CHD4: variants seen among roughly 807,000 people sequenced by gnomAD.
The protein encoded by CHD4 is ATP-dependent chromatin remodeler CHD4.
A neutral mutation model predicts 235.5 loss-of-function variants in CHD4; 35 were observed. The ratio of observed to expected loss-of-function variants is 0.15; its 90% CI spans 0.11 to 0.20. The LOEUF (loss-of-function observed/expected upper bound fraction) is 0.20. Ranked by LOEUF, CHD4 falls within the 10% of genes least tolerant of loss-of-function variation. The pLI is 1.00. For missense variants in CHD4, 1,329 were observed against 2,432.3 expected (o/e 0.55, Z 9.54); for synonymous variants, 900 against 850.2 (o/e 1.06, Z -1.02).
chr12:6,588,731 T>C (rs1168769546), intron 22 of CHD4, among the ~76,000 whole-genome samples: 1 of 151,192 alleles, frequency 6.6e-6, no homozygotes, highest in Non-Finnish European at 1.5e-5. Flanking sequence ...TGAGCAGAGA[T>C]TGCACCACTG....
Position 6,570,357 on chromosome 12 carries a change from A to G in CHD4, c.*319T>C. The G allele has an allele frequency of 2.6e-6, 1 of 377,706 alleles. No individual in the cohort carries two copies. 23.4% of individuals were successfully genotyped at this position (377,706 alleles called of 1,614,324 possible). ...CCAAAAGGAGGAAAAAATTCAGATC[A>G]TTTTCTTCAAGCCTGGCAGGAACCC... On this transcript the variant is annotated 3_prime_UTR_variant, in exon 40 of 40. Coordinates refer to ENST00000544040, the MANE Select transcript of CHD4 (RefSeq NM_001273.5).
At chr12:6,595,900 G>GGAAGT in intron 13 of CHD4, 106 bp downstream of exon 13, 1 of 1,283,610 alleles carries the variant, frequency 7.8e-7, no homozygotes, top group South Asian at 1.6e-5. Flanking sequence ...GGAGGTTGCA[G>GGAAGT]TGAGTCAAGA....
chr12:6,582,370 A>G (rs978681027), intron 29 of CHD4, 89 bp from the exon 30 acceptor site: 9 of 1,448,934 alleles, frequency 6.2e-6, no homozygotes, highest in South Asian at 4.2e-5. Flanking sequence ...TATCACAGGC[A>G]ATAACTATGG....
Position 6,601,321 on chromosome 12 carries a change from G to A in CHD4, c.767C>T (p.Pro256Leu). The A allele has an allele frequency of 1.2e-6, 2 of 1,614,124 alleles. No individual in the cohort carries two copies. The highest frequency in any genetic ancestry group is 1.1e-5 in the South Asian group (1 of 91,082). The change falls in exon 6 of 40, where the codon CCT (proline) becomes CTT (leucine). Residue 256 changes from proline (P) to leucine (L), a missense_variant. By Grantham distance (98) the Pro-to-Leu change is moderately conservative (BLOSUM62 -3). Transcript: ENST00000544040. ...CTCCTTGGTCTTGGCCTTGCGGATAGGCACCTCCACAGGGGGAGGTGGTGG... is the reference window on the plus strand; with the variant it reads ...CTCCTTGGTCTTGGCCTTGCGGATAAGCACCTCCACAGGGGGAGGTGGTGG... ...VAPPPPPVEVPIRKAKTKEGK... is the reference protein window; with the variant it reads ...VAPPPPPVEVLIRKAKTKEGK...
chr12:6,588,043 C>A, intron 23 of CHD4, 94 bp from the exon 24 acceptor site: 1 of 1,328,028 alleles, frequency 7.5e-7, no homozygotes, highest in Non-Finnish European at 1.1e-6. Context: ...CAGTACAAGG[C>A]AAGGTCCACA....
intron 37 of CHD4, chr12:6,573,524 T>C: frequency 3.6e-6 from 1 of 276,560 alleles, no homozygotes; most frequent in African/African-American, 2.2e-5. Context: ...AAACTCAATT[T>C]AGAAAATAGA....
rs1402444433 is a variant in CHD4, at chr12:6,602,097, G to C, written c.301C>G (p.Leu101Val). ...EFVEEEEEVA[L>V]RSDSEGSDYT... is the part of the protein sequence containing the mutation. ...TCGCTGCCCTCACTGTCTGAGCGCAGAGCCACCTCTTCCTCCTCCTCCACA... is the reference window on the plus strand; with the variant it reads ...TCGCTGCCCTCACTGTCTGAGCGCACAGCCACCTCTTCCTCCTCCTCCACA... Residue 101 changes from leucine to valine, a missense_variant, in exon 4 of 40, where the codon CTG becomes GTG. By Grantham distance (32) the Leu-to-Val change is conservative (BLOSUM62 1). Transcript: ENST00000544040. 1 of 1,613,612 alleles carries C rather than the reference G, an allele frequency of 6.2e-7. No individual in the cohort carries two copies. The highest frequency in any genetic ancestry group is 2.2e-5 in the East Asian group (1 of 44,858).
chr12:6,577,589 A>C (rs1363690495), intron 37 of CHD4, 196 bp downstream of exon 37: 1 of 657,532 alleles, frequency 1.5e-6, no homozygotes, highest in African/African-American at 1.8e-5. Flanking sequence ...ATAGTCACCT[A>C]CAGCTCATGT....
chr12:6,592,197 C>A, intron 19 of CHD4, 140 bp from the exon 20 acceptor site: 1 of 1,253,220 alleles, frequency 8.0e-7, no homozygotes, highest in South Asian at 1.4e-5. Flanking sequence ...ACTACCACCA[C>A]CACCATTTTA....
chr12:6,580,055 CAAA>C (rs766330469), intron 33 of CHD4, among the ~76,000 whole-genome samples: 4 of 69,018 alleles, frequency 5.8e-5, no homozygotes, highest in Admixed American at 1.7e-4. Context: ...GACTCCGTCT[CAAA>C]AAAAAAAAAA....
chr12:6,570,427 G>T lies in CHD4; in HGVS notation c.*249C>A, dbSNP rs1592254263. 2 of 542,396 alleles carry T rather than the reference G, an allele frequency of 3.7e-6. No individual in the cohort carries two copies. The highest frequency in any genetic ancestry group is 6.0e-5 in the East Asian group (2 of 33,424). The allele number at this position is 542,396 out of a possible 1,614,324, so 33.6% of individuals were successfully genotyped here. A position where few individuals can be genotyped will look rare whatever the true frequency, so the allele number is the denominator to read the frequency against. ...AGGCGTTACAGTGGGGAGAAGCCAG[G>T]GTCCAGAAGGCCAGCCCGCCAGCTC... is the stretch of plus-strand genomic sequence containing the variant. On this transcript the variant is annotated 3_prime_UTR_variant, in exon 40 of 40. Coordinates refer to ENST00000544040, the MANE Select transcript of CHD4 (RefSeq NM_001273.5).
At chr12:6,590,580 A>G (rs1490478651) in intron 22 of CHD4, among the ~76,000 whole-genome samples, 1 of 152,112 alleles carries the variant, frequency 6.6e-6, no homozygotes, top group African/African-American at 2.4e-5. Context: ...ATACTTTGGG[A>G]GGCCAAGGCA....
At position 6,578,849 on chromosome 12, in the gene CHD4, T is replaced by C. The variant is rs1207769809; in HGVS notation, c.4978A>G (p.Lys1660Glu). Residue 1660 changes from lysine (K) to glutamate (E), a missense_variant, in exon 34 of 40, where the codon AAA becomes GAA. Lys to Glu is a moderately conservative substitution (Grantham distance 56). This residue lies in a region of CHD4 where 219 missense variants were observed against 219.3 expected (regional missense o/e 1.00). Coordinates refer to ENST00000544040, the MANE Select transcript of CHD4 (RefSeq NM_001273.5). ...ATCAACTTCTCCAAACACCCACCTT[T>C]GTCTTCTACCACAATAGGGGTCAGA... ...IDLTPIVVEDKEEKKEEEEKK... is the reference protein window; with the variant it reads ...IDLTPIVVEDEEEKKEEEEKK... 6.2e-7 allele frequency: 1 copy of C among 1,614,050 alleles called. No homozygotes were observed. Among genetic ancestry groups the C allele is most frequent in the African/African-American group, 1.3e-5 (1 of 74,940 alleles).
At chr12:6,592,652 G>C in intron 18 of CHD4, 44 bp downstream of exon 18, 1 of 1,594,434 alleles carries the variant, frequency 6.3e-7, no homozygotes, top group Middle Eastern at 1.7e-4. Flanking sequence ...CAGGAAGAAT[G>C]AGAGGCACAA....
chr12:6,576,116 T>C (rs1264168009), intron 37 of CHD4, among the ~76,000 whole-genome samples: 2 of 151,960 alleles, frequency 1.3e-5, no homozygotes, highest in Non-Finnish European at 2.9e-5. Flanking sequence ...CTCAGCACTT[T>C]GGGAGTCCGA....
rs1948611902 is a variant in CHD4, at chr12:6,602,360, TCA to T, written c.222+14_222+15del. 1 of 1,612,384 alleles carries T rather than the reference TCA, an allele frequency of 6.2e-7. No homozygotes were observed. The highest frequency in any genetic ancestry group is 1.7e-5 in the Admixed American group (1 of 59,488). ...TTCTTCCTCTGATTCCCCGTAACAT[TCA>T]GTCACCCACTCACCTCCTTTTTTTG... On this transcript the variant is annotated intron_variant, in intron 3 of 39. Coordinates refer to ENST00000544040, the MANE Select transcript of CHD4 (RefSeq NM_001273.5).
intron 22 of CHD4, chr12:6,591,143 A>C (rs10849491): frequency 0.058 from 10,163 of 175,334 alleles, 984 homozygotes; most frequent in African/African-American, 0.21. Context: ...AAAAAAAAAA[A>C]AAAAAAAACC....
At chr12:6,600,836 T>C in intron 7 of CHD4, 90 bp downstream of exon 7, 4 of 1,515,294 alleles carry the variant, frequency 2.6e-6, no homozygotes, top group Non-Finnish European at 1.8e-6. Context: ...CATTCTTACG[T>C]GCCTACTATG....
At chr12:6,579,213 G>C (rs1175099457) in intron 33 of CHD4, 2 of 371,710 alleles carry the variant, frequency 5.4e-6, no homozygotes, top group Non-Finnish European at 1.0e-5. Context: ...ACTTGGGGAG[G>C]CCAAGGTGGG....
Sources: gnomAD v4.1 joint callset for allele counts (sites outside exome capture counted in the v4.1 genomes callset) on GRCh38, gnomAD v4.1.1 for gene constraint, gnomAD v4.1.1 regional missense constraint, MANE v1.5 for transcripts, NCBI Gene and HGNC (gene_info 2026-07-23, HGNC 2026-07-21) for gene names.